Variants in SSH2 observed in about 807,000 individuals in gnomAD.
SSH2 encodes slingshot protein phosphatase 2, also known as protein phosphatase Slingshot homolog 2.
Under a neutral mutation model 135.2 loss-of-function variants are expected in SSH2, and 37 were observed. The observed-to-expected ratio is 0.27, with a 90% confidence interval of 0.21 to 0.36. SSH2 has a LOEUF of 0.36. SSH2 is among the 10% of genes least tolerant of loss of function. SSH2 has a pLI of 1.00. For synonymous variants in SSH2, 628 were observed against 646.2 expected, an observed-to-expected ratio of 0.97 and a Z score of 0.43; for missense variants, 1,408 against 1,765.3, an observed-to-expected ratio of 0.80 and a Z score of 3.63.
intron 1 of SSH2, among the ~76,000 whole-genome samples, chr17:29,885,032 GT>G (rs1294385866): frequency 6.6e-6 from 1 of 152,186 alleles, no homozygotes; most frequent in Non-Finnish European, 1.5e-5. Context: ...CTGATGCAAT[GT>G]AAAGCCTGAG....
At chr17:29,812,118 G>A (rs2042453373) in intron 2 of SSH2, among the ~76,000 whole-genome samples, 1 of 147,778 alleles carries the variant, frequency 6.8e-6, no homozygotes, top group Non-Finnish European at 1.5e-5. Flanking sequence ...AACAGGGACT[G>A]TGTCTTATTT....
chr17:29,788,607 ACTCT>A lies in SSH2; in HGVS notation c.188+5283_188+5286del, dbSNP rs528184900. ...TCTCTCTTTTTTCTTTCTTTCCCTC[ACTCT>A]CTCCCTCCCTTCCTCCCTTCCTCCC... On this transcript the variant is annotated intron_variant, in intron 3 of 15. Transcript: ENST00000540801. 2.7e-3 allele frequency among the ~76,000 whole-genome samples: 360 copies of A among 133,384 alleles called. 1 individual carries two copies. Among genetic ancestry groups the A allele is most frequent in the Non-Finnish European group, 4.5e-3 (274 of 61,368 alleles). The allele number at this position is 133,384 out of a possible 152,430, so 87.5% of individuals were successfully genotyped here.
In SSH2 at chr17:29,928,548, A is replaced by G. The variant is rs904034413; in HGVS notation, c.63+1390T>C. 3 of 398,442 alleles carry G rather than the reference A, an allele frequency of 7.5e-6. No individual in the cohort carries two copies. In the East Asian group the frequency reaches 1.1e-4, roughly 14 times the overall value. 24.7% of individuals were successfully genotyped at this position (398,442 alleles called of 1,614,324 possible). Reference sequence around the variant, plus strand: ...AAATTCTTCCTTACAATCACTGGAAATCTGCCTCCCTGAACCAAGAATCCC... The same window carrying G: ...AAATTCTTCCTTACAATCACTGGAAGTCTGCCTCCCTGAACCAAGAATCCC... On this transcript the variant is annotated intron_variant, in intron 1 of 15. Coordinates refer to ENST00000540801, the MANE Select transcript of SSH2 (RefSeq NM_001282129.2).
At chr17:29,899,079 A>AC (rs1436181255) in intron 1 of SSH2, among the ~76,000 whole-genome samples, 9 of 152,094 alleles carry the variant, frequency 5.9e-5, no homozygotes, top group East Asian at 1.9e-4. Flanking sequence ...AAATTCAACA[A>AC]CCTTCATGCT....
chr17:29,667,341 A>G, intron 9 of SSH2, 118 bp from the exon 10 acceptor site: 1 of 807,592 alleles, frequency 1.2e-6, no homozygotes, highest in East Asian at 2.7e-5. Context: ...CTTTTCCAAA[A>G]TCGGTTCTAG....
chr17:29,818,036 C>T (rs1481920756), intron 2 of SSH2, among the ~76,000 whole-genome samples: 1 of 152,008 alleles, frequency 6.6e-6, no homozygotes, highest in Non-Finnish European at 1.5e-5. Flanking sequence ...TCCCAAAGTG[C>T]TAAGATTACA....
chr17:29,913,417 T>C (rs973216003), intron 1 of SSH2, among the ~76,000 whole-genome samples: 1 of 122,150 alleles, frequency 8.2e-6, no homozygotes, highest in Non-Finnish European at 1.6e-5. Flanking sequence ...AAAGGGCTTT[T>C]ACACTAGCAA....
chr17:29,915,855 G>A (rs556819138), intron 1 of SSH2, among the ~76,000 whole-genome samples: 2 of 151,160 alleles, frequency 1.3e-5, no homozygotes, highest in East Asian at 3.9e-4. Context: ...TATACTTTAA[G>A]TTCTAGGGTA....
At chr17:29,685,000 A>G (rs959614522) in intron 5 of SSH2, among the ~76,000 whole-genome samples, 4 of 152,212 alleles carry the variant, frequency 2.6e-5, no homozygotes, top group Non-Finnish European at 1.5e-5. Context: ...AATTTATACT[A>G]ATTACCACAG....
At chr17:29,684,206 G>A (rs1173077539) in intron 6 of SSH2, among the ~76,000 whole-genome samples, 1 of 152,158 alleles carries the variant, frequency 6.6e-6, no homozygotes, top group African/African-American at 2.4e-5. Context: ...CTGGGGCCAG[G>A]CACGGTGGCT....
intron 1 of SSH2, among the ~76,000 whole-genome samples, chr17:29,929,522 C>T (rs1027389110): frequency 2.0e-5 from 3 of 152,064 alleles, no homozygotes; most frequent in Non-Finnish European, 4.4e-5. Context: ...AAATACTGAA[C>T]AGGTCTATGA....
chr17:29,628,984 A>G lies in SSH2; in HGVS notation c.*1857T>C, dbSNP rs1471057005. 2.0e-5 allele frequency: 3 copies of G among 152,340 alleles called. No homozygotes were observed. Among genetic ancestry groups the G allele is most frequent in the African/African-American group, 4.8e-5 (2 of 41,418 alleles). The allele number at this position is 152,340 out of a possible 1,614,324, so 9.4% of individuals were successfully genotyped here. ...CTGACATCATGCTGACAGTCTGTGC[A>G]TTTGTATTTTCCTCAGTGCTGTGAT... On this transcript the variant is annotated 3_prime_UTR_variant, in exon 16 of 16. Coordinates refer to ENST00000540801, the MANE Select transcript of SSH2 (RefSeq NM_001282129.2).
intron 3 of SSH2, among the ~76,000 whole-genome samples, chr17:29,791,095 T>C (rs2042057537): frequency 6.6e-6 from 1 of 151,642 alleles, no homozygotes; most frequent in African/African-American, 2.4e-5. Flanking sequence ...ATTATTATTA[T>C]TAATTTTTGA....
intron 2 of SSH2, among the ~76,000 whole-genome samples, chr17:29,847,925 G>A (rs1167084287): frequency 6.6e-6 from 1 of 152,186 alleles, no homozygotes; most frequent in African/African-American, 2.4e-5. Context: ...TTGAAAGTGG[G>A]TATAAGCGAG....
At chr17:29,758,689 C>T (rs2041202972) in intron 3 of SSH2, among the ~76,000 whole-genome samples, 3 of 152,120 alleles carry the variant, frequency 2.0e-5, no homozygotes, top group African/African-American at 7.2e-5. Context: ...GACCAGAAAA[C>T]ATGATTTACA....
intron 1 of SSH2, among the ~76,000 whole-genome samples, chr17:29,924,917 A>T (rs1331998932): frequency 6.6e-6 from 1 of 152,184 alleles, no homozygotes; most frequent in African/African-American, 2.4e-5. Flanking sequence ...AGAGAGTGTG[A>T]GTTCTTGATT....
At chr17:29,659,844 T>TAG (rs2036953869) in intron 11 of SSH2, among the ~76,000 whole-genome samples, 1 of 143,188 alleles carries the variant, frequency 7.0e-6, no homozygotes, top group Non-Finnish European at 1.5e-5. Flanking sequence ...TTTATATATA[T>TAG]TTTTTGAGAC....
intron 14 of SSH2, 22 bp from the exon 15 acceptor site, chr17:29,636,824 A>G: frequency 6.6e-7 from 1 of 1,524,744 alleles, no homozygotes; most frequent in South Asian, 1.2e-5. Context: ...ATACACAGGA[A>G]GTATCTTAAT....
intron 1 of SSH2, chr17:29,863,908 GAA>G (rs1169812163): frequency 6.6e-6 from 1 of 152,142 alleles, no homozygotes; most frequent in Non-Finnish European, 1.5e-5. Flanking sequence ...CTTAAACTTT[GAA>G]AAGATTCCTG....
Sources: gnomAD v4.1 joint callset for allele counts (sites outside exome capture counted in the v4.1 genomes callset) on GRCh38, gnomAD v4.1.1 for gene constraint, MANE v1.5 for transcripts, NCBI Gene and HGNC (gene_info 2026-07-23, HGNC 2026-07-21) for gene names.